The following UNC45B variants were observed in gnomAD, a reference collection of about 807,000 sequenced individuals.
UNC45B encodes unc-45 myosin chaperone B, also known as protein unc-45 homolog B.
A neutral mutation model predicts 98.7 loss-of-function variants in UNC45B; 78 were observed. The ratio of observed to expected loss-of-function variants is 0.79; its 90% CI spans 0.66 to 0.95. The LOEUF (loss-of-function observed/expected upper bound fraction) is 0.95. Among genes scored for constraint, UNC45B ranks in the 40% least tolerant of loss-of-function variants. UNC45B has a pLI of 0.00. For missense variants in UNC45B, 1,225 were observed against 1,184.9 expected (o/e 1.03, Z -0.50); for synonymous variants, 462 against 480.4 (o/e 0.96, Z 0.50).
In UNC45B at chr17:35,159,455, G is replaced by A. The variant is rs1221280320; in HGVS notation, c.889G>A (p.Asp297Asn). Residue 297 changes from aspartate (D) to asparagine (N), a missense_variant, in exon 8 of 20, where the codon GAT becomes AAT. Coordinates refer to ENST00000394570, the MANE Select transcript of UNC45B (RefSeq NM_001267052.2). ...VSKKVSGQGR[D>N]QALNLLNKNV... ...CAAGAAGGTGTCTGGCCAGGGCAGG[G>A]ATCAGGCGCTGAACCTGCTCAATAA... is the stretch of plus-strand genomic sequence containing the variant. The A allele has an allele frequency of 1.2e-6, 2 of 1,614,044 alleles. No individual in the cohort carries two copies. The highest frequency in any genetic ancestry group is 1.7e-6 in the Non-Finnish European group (2 of 1,180,028).
chr17:35,167,649 T>A (rs1476573854), intron 9 of UNC45B, among the ~76,000 whole-genome samples: 3 of 151,812 alleles, frequency 2.0e-5, no homozygotes, highest in African/African-American at 7.3e-5. Flanking sequence ...AGACTCACTC[T>A]AACTTGGAAC....
chr17:35,168,013 C>A, intron 9 of UNC45B, 48 bp from the exon 10 acceptor site: 2 of 1,387,394 alleles, frequency 1.4e-6, no homozygotes, highest in Non-Finnish European at 1.9e-6. Flanking sequence ...CACACTCTTT[C>A]CACTCTCTTG....
Position 35,186,773 on chromosome 17 carries a change from C to T in UNC45B, c.*214C>T, listed in dbSNP as rs984167721. ...CACTCTCTCTCTTGCTTCCTGTCTC[C>T]TTATATTTGTCATGTTTCAGAAATT... On this transcript the variant is annotated 3_prime_UTR_variant, in exon 20 of 20. Transcript: ENST00000394570. 1 of 465,494 alleles carries T rather than the reference C, an allele frequency of 2.1e-6. No homozygotes were observed. Among genetic ancestry groups the T allele is most frequent in the African/African-American group, 2.0e-5 (1 of 51,150 alleles). 28.8% of individuals were successfully genotyped at this position (465,494 alleles called of 1,614,324 possible).
At chr17:35,166,302 CT>C in intron 9 of UNC45B, among the ~76,000 whole-genome samples, 1 of 151,938 alleles carries the variant, frequency 6.6e-6, no homozygotes, top group Non-Finnish European at 1.5e-5. Context: ...CTATTCTCAA[CT>C]CCCTGGATTT....
intron 7 of UNC45B, among the ~76,000 whole-genome samples, chr17:35,158,591 A>G (rs948337273): frequency 1.3e-5 from 2 of 152,170 alleles, no homozygotes; most frequent in African/African-American, 2.4e-5. Context: ...ATTCTTCCAC[A>G]TATTGATTTC....
At chr17:35,153,060 G>A in intron 5 of UNC45B, 78 bp downstream of exon 5, 1 of 1,272,328 alleles carries the variant, frequency 7.9e-7, no homozygotes, top group Non-Finnish European at 1.1e-6. Flanking sequence ...AGGGGGAAGG[G>A]GGACCGGAGG....
chr17:35,173,777 G>A (rs201306603), intron 13 of UNC45B, among the ~76,000 whole-genome samples: 1 of 150,920 alleles, frequency 6.6e-6, no homozygotes, highest in African/African-American at 2.4e-5. Context: ...TGCCATGTAA[G>A]GTCCCACGTT....
intron 12 of UNC45B, 156 bp downstream of exon 12, chr17:35,170,411 C>A: frequency 1.0e-6 from 1 of 966,760 alleles, no homozygotes; most frequent in East Asian, 2.9e-5. Context: ...CTCATTTTAC[C>A]TGATTGTAAA....
rs1461481648 is a variant in UNC45B at position 35,177,097 on chromosome 17, C to T, written c.2106C>T (p.Val702=). ...ACGCTCTAGCAAAGATCGCTGCTGT[C>T]TCCAATCCGGACATTGCTTTTCCTG... ...AAHALAKIAA[V]SNPDIAFPGE... is the part of the protein sequence containing the mutation. Residue 702 remains valine, a synonymous_variant, in exon 16 of 20, where the codon GTC becomes GTT. Coordinates refer to ENST00000394570, the MANE Select transcript of UNC45B (RefSeq NM_001267052.2). The T allele has an allele frequency of 1.2e-6, 2 of 1,614,170 alleles. No individual in the cohort carries two copies. The highest frequency in any genetic ancestry group is 8.5e-7 in the Non-Finnish European group (1 of 1,180,034).
intron 8 of UNC45B, 27 bp downstream of exon 8, chr17:35,159,572 T>G (rs1354675823): frequency 6.2e-7 from 1 of 1,602,246 alleles, no homozygotes; most frequent in South Asian, 1.1e-5. Context: ...GTTTGGGGCT[T>G]GCTCAAGCCT....
chr17:35,163,987 C>T lies in UNC45B; in HGVS notation c.980-8C>T. On this transcript the variant is annotated splice_polypyrimidine_tract_variant and splice_region_variant and intron_variant, in intron 8 of 19. Coordinates refer to ENST00000394570, the MANE Select transcript of UNC45B (RefSeq NM_001267052.2). ...GGAATCTTAGGCTTGCCACTGTCTA[C>T]CCTGCAGGTCTGAGGAAGATCCTGA... 1.9e-6 allele frequency: 3 copies of T among 1,606,966 alleles called. No homozygotes were observed. The highest frequency in any genetic ancestry group is 2.5e-6 in the Non-Finnish European group (3 of 1,176,676).
intron 8 of UNC45B, 109 bp from the exon 9 acceptor site, chr17:35,163,886 C>T: frequency 7.9e-7 from 1 of 1,265,682 alleles, no homozygotes; most frequent in Non-Finnish European, 1.1e-6. Flanking sequence ...CACATGTTTT[C>T]TACAGACAGG....
At chr17:35,149,313 C>T (rs1399957721) in intron 3 of UNC45B, among the ~76,000 whole-genome samples, 2 of 152,180 alleles carry the variant, frequency 1.3e-5, no homozygotes, top group African/African-American at 2.4e-5. Context: ...GGCAATGTTA[C>T]AGGGAACACA....
At chr17:35,180,199 C>T (rs544294158) in intron 17 of UNC45B, among the ~76,000 whole-genome samples, 111 of 151,662 alleles carry the variant, frequency 7.3e-4, no homozygotes, top group African/African-American at 2.6e-3. Context: ...TCTGCTCTCT[C>T]ATGGTTATAA....
intron 9 of UNC45B, among the ~76,000 whole-genome samples, chr17:35,167,828 A>G (rs1230500386): frequency 3.9e-5 from 6 of 151,994 alleles, no homozygotes; most frequent in African/African-American, 1.5e-4. Flanking sequence ...CCAGAGGCAC[A>G]CTCTGTGACA....
chr17:35,181,790 C>CAAAAAAA (rs34090979), intron 18 of UNC45B, among the ~76,000 whole-genome samples: 1 of 115,850 alleles, frequency 8.6e-6, no homozygotes, highest in Non-Finnish European at 1.7e-5. Flanking sequence ...GACTGCATCT[C>CAAAAAAA]AAAAAAAAAA....
At chr17:35,157,092 A>G (rs1194460277) in intron 7 of UNC45B, among the ~76,000 whole-genome samples, 1 of 152,190 alleles carries the variant, frequency 6.6e-6, no homozygotes, top group Non-Finnish European at 1.5e-5. Context: ...CAAGAATATC[A>G]TAATCTTCCC....
rs2092123281 is a variant in UNC45B at position 35,164,252 on chromosome 17, C to T, written c.1151+86C>T. 21 of 1,449,378 alleles carry T rather than the reference C, an allele frequency of 1.4e-5. No individual in the cohort carries two copies. In the South Asian group the frequency reaches 2.8e-4, roughly 19 times the overall value. The allele number at this position is 1,449,378 out of a possible 1,614,324, so 89.8% of individuals were successfully genotyped here. ...CAAATTATCTCAAAATTTAGCAGCT[C>T]AAACAATAGTGTTTTATTATCTCAC... On this transcript the variant is annotated intron_variant, in intron 9 of 19. Transcript: ENST00000394570.
Position 35,186,751 on chromosome 17 carries a change from T to G in UNC45B, c.*192T>G, listed in dbSNP as rs1255852714. On this transcript the variant is annotated 3_prime_UTR_variant, in exon 20 of 20. Transcript: ENST00000394570. ...TCCTGACAGAGTTTGGATGTTTCAC[T>G]CTCTCTCTTGCTTCCTGTCTCCTTA... 3.5e-6 allele frequency: 2 copies of G among 565,810 alleles called. No homozygotes were observed. The highest frequency in any genetic ancestry group is 4.9e-4 in the Middle Eastern group (1 of 2,056). The allele number at this position is 565,810 out of a possible 1,614,324, so 35.0% of individuals were successfully genotyped here.
Sources: allele counts gnomAD v4.1 joint callset (sites outside exome capture counted in the v4.1 genomes callset), GRCh38; gene constraint gnomAD v4.1.1; transcripts MANE v1.5; gene names NCBI Gene and HGNC (gene_info 2026-07-23, HGNC 2026-07-21).